Variants in THSD7A observed in about 807,000 individuals in gnomAD.
The protein encoded by THSD7A is thrombospondin type-1 domain-containing protein 7A.
A neutral mutation model predicts 231.3 loss-of-function variants in THSD7A; 96 were observed. That is an observed-to-expected ratio of 0.41 (90% confidence interval 0.35 to 0.49). The LOEUF (loss-of-function observed/expected upper bound fraction) is 0.49. THSD7A is among the 20% of genes least tolerant of loss of function. THSD7A has a pLI of 0.05. For missense variants in THSD7A, 2,290 were observed against 2,070.2 expected (o/e 1.11, Z -2.06); for synonymous variants, 940 against 743.3 (o/e 1.26, Z -4.30).
chr7:11,711,774 C>A (rs1780973998), intron 1 of THSD7A, among the ~76,000 whole-genome samples: 1 of 151,152 alleles, frequency 6.6e-6, no homozygotes, highest in Admixed American at 6.6e-5. Context: ...CCATGCTGCA[C>A]AAGAGAAGTA....
At chr7:11,729,087 A>T (rs1460087440) in intron 1 of THSD7A, among the ~76,000 whole-genome samples, 1 of 151,874 alleles carries the variant, frequency 6.6e-6, no homozygotes, top group Non-Finnish European at 1.5e-5. Flanking sequence ...TATCATAAAA[A>T]CTTAAATAGA....
At chr7:11,543,237 A>ATTCC (rs1414179837) in intron 4 of THSD7A, 120 bp from the exon 5 acceptor site, 1 of 773,468 alleles carries the variant, frequency 1.3e-6, no homozygotes, top group Non-Finnish European at 2.0e-6. Flanking sequence ...CCAAGACATT[A>ATTCC]TTCCAATGCT....
rs775056218 is a variant in THSD7A, at chr7:11,407,439, T to G, written c.3799-16A>C. ...CCAAGCCAAGCTGGAAGAACAGAGG[T>G]AGATCAGGATGTATATTGTAAATTG... On this transcript the variant is annotated splice_polypyrimidine_tract_variant and intron_variant, in intron 19 of 27. Transcript: ENST00000423059. 1.3e-6 allele frequency: 2 copies of G among 1,585,896 alleles called. No individual in the cohort carries two copies. Among genetic ancestry groups the G allele is most frequent in the Non-Finnish European group, 1.7e-6 (2 of 1,158,174 alleles).
At chr7:11,585,994 C>T (rs766169865) in intron 4 of THSD7A, among the ~76,000 whole-genome samples, 7 of 152,008 alleles carry the variant, frequency 4.6e-5, no homozygotes, top group Non-Finnish European at 5.9e-5. Context: ...GAGGACCTGC[C>T]GTATTATTTT....
chr7:11,540,608 G>A (rs995730105), intron 6 of THSD7A, among the ~76,000 whole-genome samples: 4 of 152,194 alleles, frequency 2.6e-5, no homozygotes, highest in Non-Finnish European at 5.9e-5. Flanking sequence ...CCTTAGAGAT[G>A]ATCTTGTCCA....
intron 23 of THSD7A, among the ~76,000 whole-genome samples, chr7:11,395,717 G>A (rs1224611891): frequency 6.6e-6 from 1 of 151,868 alleles, no homozygotes; most frequent in Non-Finnish European, 1.5e-5. Context: ...TAGTAGAGAT[G>A]GGGTTTCACC....
chr7:11,622,634 T>C (rs1781351818), intron 2 of THSD7A, among the ~76,000 whole-genome samples: 2 of 152,236 alleles, frequency 1.3e-5, no homozygotes, highest in South Asian at 4.1e-4. Flanking sequence ...ATAGGTACAC[T>C]ACCTCTCCAG....
intron 13 of THSD7A, among the ~76,000 whole-genome samples, chr7:11,430,234 A>C (rs913165847): frequency 2.0e-5 from 3 of 152,188 alleles, no homozygotes; most frequent in African/African-American, 7.2e-5. Context: ...ATATTCCATA[A>C]AAATAACCCC....
At chr7:11,603,139 G>C (rs1281443572) in intron 2 of THSD7A, among the ~76,000 whole-genome samples, 1 of 151,288 alleles carries the variant, frequency 6.6e-6, no homozygotes, top group East Asian at 2.0e-4. Context: ...CTGACAAAGG[G>C]CTAATATCCA....
chr7:11,763,351 A>G (rs147037899), intron 1 of THSD7A, among the ~76,000 whole-genome samples: 51 of 152,260 alleles, frequency 3.3e-4, no homozygotes, highest in African/African-American at 1.1e-3. Flanking sequence ...TCAGGGTAAT[A>G]CTTTGCTGTC....
At chr7:11,721,759 T>A (rs1291025328) in intron 1 of THSD7A, among the ~76,000 whole-genome samples, 2 of 151,884 alleles carry the variant, frequency 1.3e-5, no homozygotes, top group Non-Finnish European at 2.9e-5. Context: ...GAAAACTGAT[T>A]TTTACATTTG....
At chr7:11,785,733 T>C (rs1583289601) in intron 1 of THSD7A, among the ~76,000 whole-genome samples, 1 of 152,160 alleles carries the variant, frequency 6.6e-6, no homozygotes, top group Non-Finnish European at 1.5e-5. Flanking sequence ...ATGTATTGTA[T>C]TCACTTTTAT....
At chr7:11,744,767 G>T (rs1165710345) in intron 1 of THSD7A, among the ~76,000 whole-genome samples, 2 of 152,002 alleles carry the variant, frequency 1.3e-5, no homozygotes, top group African/African-American at 4.8e-5. Context: ...CAAAGGACAT[G>T]AACTCATCCT....
intron 1 of THSD7A, among the ~76,000 whole-genome samples, chr7:11,734,537 A>T (rs1781842351): frequency 6.6e-6 from 1 of 151,996 alleles, no homozygotes; most frequent in African/African-American, 2.4e-5. Flanking sequence ...TAACTATCCA[A>T]TAAAATTAGC....
intron 6 of THSD7A, among the ~76,000 whole-genome samples, chr7:11,513,187 A>G (rs1425276381): frequency 2.0e-5 from 3 of 151,646 alleles, no homozygotes; most frequent in African/African-American, 7.3e-5. Flanking sequence ...CAGGGATAAA[A>G]GACAACAAAT....
At chr7:11,602,651 A>C (rs1428731008) in intron 2 of THSD7A, among the ~76,000 whole-genome samples, 1 of 151,980 alleles carries the variant, frequency 6.6e-6, no homozygotes, top group African/African-American at 2.4e-5. Context: ...TTGGGTGAGC[A>C]GTGAAAATAA....
Position 11,710,613 on chromosome 7 carries a change from G to T in THSD7A, c.191-73652C>A, listed in dbSNP as rs184253723. Among the ~76,000 whole-genome samples, 9 of 150,992 alleles carry T rather than the reference G, an allele frequency of 6.0e-5. No homozygotes were observed. The East Asian group carries it at 1.4e-3, about 23-fold the overall frequency. ...TAACAAGCACTTCTTGAGTTCTAAT[G>T]CAGAGGGACTCTGCATGCTGACCTA... On this transcript the variant is annotated intron_variant, in intron 1 of 27. Coordinates refer to ENST00000423059, the MANE Select transcript of THSD7A (RefSeq NM_015204.3).
At chr7:11,479,839 T>C (rs981049413) in intron 7 of THSD7A, among the ~76,000 whole-genome samples, 2 of 150,586 alleles carry the variant, frequency 1.3e-5, no homozygotes, top group Non-Finnish European at 3.0e-5. Context: ...CAGAGACAAA[T>C]AGCATTGACA....
chr7:11,517,258 T>G (rs939565876), intron 6 of THSD7A, among the ~76,000 whole-genome samples: 3 of 152,074 alleles, frequency 2.0e-5, no homozygotes, highest in Non-Finnish European at 4.4e-5. Flanking sequence ...TTTTGTATTT[T>G]TAGTAGAGAC....
Sources: gnomAD v4.1 joint callset for allele counts (sites outside exome capture counted in the v4.1 genomes callset) on GRCh38, gnomAD v4.1.1 for gene constraint, MANE v1.5 for transcripts, NCBI Gene and HGNC (gene_info 2026-07-23, HGNC 2026-07-21) for gene names.